CDH18: variants seen among roughly 807,000 people sequenced by gnomAD.
The protein encoded by CDH18 is cadherin-18.
A neutral mutation model predicts 67.9 loss-of-function variants in CDH18; 31 were observed. The observed-to-expected ratio is 0.46, with a 90% CI of 0.34 to 0.62. CDH18 has a LOEUF of 0.62. Among genes scored for constraint, CDH18 ranks in the 20% least tolerant of loss-of-function variants. CDH18 has a pLI of 0.01. For missense variants in CDH18, 890 were observed against 975.5 expected (o/e 0.91, Z 1.17); for synonymous variants, 362 against 347.2 (o/e 1.04, Z -0.48).
intron 4 of CDH18, among the ~76,000 whole-genome samples, chr5:19,725,083 C>G (rs1279145799): frequency 6.6e-6 from 1 of 151,988 alleles, no homozygotes; most frequent in African/African-American, 2.4e-5. Flanking sequence ...CCCGCCACCA[C>G]GCCTGGCTAA....
chr5:19,802,559 G>A (rs1777581450), intron 3 of CDH18, among the ~76,000 whole-genome samples: 1 of 152,140 alleles, frequency 6.6e-6, no homozygotes, highest in African/African-American at 2.4e-5. Context: ...CCAAAGAGTT[G>A]AGGCATTATA....
chr5:20,042,500 T>A (rs988090766), intron 2 of CDH18, among the ~76,000 whole-genome samples: 8 of 152,190 alleles, frequency 5.3e-5, no homozygotes, highest in African/African-American at 1.9e-4. Flanking sequence ...AGGAGACATT[T>A]TTTTTCACAC....
chr5:19,743,573 C>A (rs1481740509), intron 4 of CDH18, among the ~76,000 whole-genome samples: 1 of 152,076 alleles, frequency 6.6e-6, no homozygotes, highest in African/African-American at 2.4e-5. Flanking sequence ...AGATTTGTTC[C>A]CCCTGCCATT....
chr5:19,881,506 CT>C (rs559703821), intron 2 of CDH18, among the ~76,000 whole-genome samples: 4,468 of 121,920 alleles, frequency 0.037, 77 homozygotes, highest in African/African-American at 0.051. Context: ...TCTTCAAGTG[CT>C]TTTTTTTTTT....
chr5:19,491,925 TTTC>T (rs1741535017), intron 11 of CDH18, among the ~76,000 whole-genome samples: 1 of 152,148 alleles, frequency 6.6e-6, no homozygotes, highest in Admixed American at 6.5e-5. Flanking sequence ...CAGTGCATTT[TTTC>T]TTGTCTTAGA....
intron 1 of CDH18, among the ~76,000 whole-genome samples, chr5:20,416,803 A>C (rs779276646): frequency 2.0e-5 from 3 of 152,110 alleles, no homozygotes; most frequent in Non-Finnish European, 4.4e-5. Context: ...AGCATGAGAA[A>C]ACTTAAAGAT....
intron 2 of CDH18, among the ~76,000 whole-genome samples, chr5:20,116,996 C>T (rs1465327279): frequency 2.0e-5 from 3 of 150,990 alleles, no homozygotes; most frequent in African/African-American, 7.4e-5. Context: ...TATCTTTCCA[C>T]TTGGAGAGAT....
chr5:20,414,665 A>T (rs1210837281), intron 1 of CDH18, among the ~76,000 whole-genome samples: 3 of 152,198 alleles, frequency 2.0e-5, no homozygotes, highest in Non-Finnish European at 4.4e-5. Context: ...AAAAATGAAC[A>T]AAATATATGA....
chr5:19,752,803 A>G (rs183001703), intron 3 of CDH18, among the ~76,000 whole-genome samples: 1 of 152,270 alleles, frequency 6.6e-6, no homozygotes, highest in African/African-American at 2.4e-5. Flanking sequence ...CTCCACCAGA[A>G]CAGGTGCTGG....
At chr5:19,518,211 G>A (rs1033948913) in intron 10 of CDH18, among the ~76,000 whole-genome samples, 2 of 151,954 alleles carry the variant, frequency 1.3e-5, no homozygotes, top group East Asian at 1.9e-4. Flanking sequence ...TATATAAACT[G>A]CACAATGCTT....
At chr5:20,165,369 A>G (rs1028593393) in intron 2 of CDH18, among the ~76,000 whole-genome samples, 2 of 152,102 alleles carry the variant, frequency 1.3e-5, no homozygotes, top group African/African-American at 4.8e-5. Flanking sequence ...ATTAAAGGAC[A>G]ATCTCTGTCA....
chr5:20,557,048 T>A (rs1211380302), intron 1 of CDH18, among the ~76,000 whole-genome samples: 2 of 152,126 alleles, frequency 1.3e-5, no homozygotes, highest in African/African-American at 4.8e-5. Flanking sequence ...AAGTCTCAAA[T>A]TATAATACAC....
chr5:20,077,854 A>G (rs920481892), intron 2 of CDH18, among the ~76,000 whole-genome samples: 2 of 152,168 alleles, frequency 1.3e-5, no homozygotes, highest in African/African-American at 4.8e-5. Context: ...CAAAACAAAA[A>G]CTTTCACTAC....
chr5:19,938,532 A>C (rs1196294807), intron 2 of CDH18, among the ~76,000 whole-genome samples: 2 of 151,414 alleles, frequency 1.3e-5, no homozygotes, highest in Non-Finnish European at 1.5e-5. Context: ...AATAAATCAC[A>C]TATGTCATCA....
intron 3 of CDH18, among the ~76,000 whole-genome samples, chr5:19,762,646 G>A (rs182750088): frequency 3.9e-5 from 6 of 152,088 alleles, no homozygotes; most frequent in Non-Finnish European, 7.3e-5. Context: ...TTACACTGTC[G>A]GTGGGAGTGT....
intron 2 of CDH18, among the ~76,000 whole-genome samples, chr5:19,876,261 T>C (rs1016795369): frequency 6.6e-6 from 1 of 152,074 alleles, no homozygotes; most frequent in Non-Finnish European, 1.5e-5. Context: ...ATAACTTGAG[T>C]CTCAGATAAA....
At chr5:20,240,367 T>C (rs1302026391) in intron 2 of CDH18, among the ~76,000 whole-genome samples, 2 of 152,104 alleles carry the variant, frequency 1.3e-5, no homozygotes, top group Non-Finnish European at 2.9e-5. Flanking sequence ...ACAAAATATA[T>C]GATAGTTTTT....
chr5:19,560,917 T>A (rs1739340204), intron 8 of CDH18, among the ~76,000 whole-genome samples: 1 of 152,004 alleles, frequency 6.6e-6, no homozygotes, highest in South Asian at 2.1e-4. Flanking sequence ...AAATTCAACA[T>A]CACGAATTAT....
At chr5:20,478,623 C>G (rs1231252707) in intron 1 of CDH18, among the ~76,000 whole-genome samples, 1 of 152,150 alleles carries the variant, frequency 6.6e-6, no homozygotes, top group Non-Finnish European at 1.5e-5. Context: ...GTTCCCGACT[C>G]TCGACACTGG....
Sources: allele counts gnomAD v4.1 joint callset (sites outside exome capture counted in the v4.1 genomes callset), GRCh38; gene constraint gnomAD v4.1.1; transcripts MANE v1.5; gene names NCBI Gene and HGNC (gene_info 2026-07-23, HGNC 2026-07-21).